The following TSPEAR variants were observed in gnomAD, a reference collection of about 807,000 sequenced individuals.
TSPEAR encodes thrombospondin-type laminin G domain and EAR repeat-containing protein.
A neutral mutation model predicts 71.6 loss-of-function variants in TSPEAR; 69 were observed. That is an observed-to-expected ratio of 0.96 (90% confidence interval 0.79 to 1.18). The LOEUF is 1.18. Among genes scored for constraint, TSPEAR ranks in the 50% most tolerant of loss-of-function variants. The pLI is 0.00. For synonymous variants in TSPEAR, 402 were observed against 387.2 expected, an observed-to-expected ratio of 1.04 and a Z score of -0.45; for missense variants, 971 against 894.9, an observed-to-expected ratio of 1.09 and a Z score of -1.09.
intron 2 of TSPEAR, among the ~76,000 whole-genome samples, chr21:44,559,325 T>G (rs1048412667): frequency 6.6e-6 from 1 of 152,180 alleles, no homozygotes; most frequent in Admixed American, 6.5e-5. Context: ...GGGTGAGCCC[T>G]GGGGCAGGTG....
intron 1 of TSPEAR, chr21:44,675,978 C>A (rs1986295564): frequency 1.2e-5 from 10 of 826,160 alleles, no homozygotes; most frequent in Middle Eastern, 4.6e-4. Flanking sequence ...TTCAGCCAGT[C>A]TTGTGCCACT....
rs149922191 is a variant in TSPEAR, at chr21:44,509,285, A to G, written c.1668T>C (p.Asn556=). 180 of 1,614,116 alleles carry G rather than the reference A, an allele frequency of 1.1e-4. No individual in the cohort carries two copies. Among genetic ancestry groups the G allele is most frequent in the Non-Finnish European group, 1.5e-4 (174 of 1,180,018 alleles). The change falls in exon 10 of 12, where the codon AAT becomes AAC. Residue 556 remains asparagine (N), a synonymous_variant. Coordinates refer to ENST00000323084, the MANE Select transcript of TSPEAR (RefSeq NM_144991.3). The stretch of plus-strand genomic sequence containing the variant: ...TGACGGAGTTGATGACATAGGAATC[A>G]TTCTGGACTTGCATCTCCACATCGT... ...HSYDVEMQVQ[N]DSYVINSVIY...
At chr21:44,636,831 C>A (rs1356320118) in intron 1 of TSPEAR, among the ~76,000 whole-genome samples, 3 of 152,222 alleles carry the variant, frequency 2.0e-5, no homozygotes, top group African/African-American at 7.2e-5. Context: ...AGAGGCCTTG[C>A]CAGAACATTC....
At chr21:44,680,323 A>T (rs137994547) in intron 1 of TSPEAR, among the ~76,000 whole-genome samples, 117 of 152,340 alleles carry the variant, frequency 7.7e-4, no homozygotes, top group African/African-American at 2.7e-3. Flanking sequence ...GGAACTTCAG[A>T]TCAAAACTAC....
chr21:44,555,724 C>T (rs2053517226), intron 2 of TSPEAR, among the ~76,000 whole-genome samples: 1 of 152,118 alleles, frequency 6.6e-6, no homozygotes, highest in African/African-American at 2.4e-5. Flanking sequence ...TCATGGGGCT[C>T]AGGGCAAGGC....
chr21:44,509,120 G>A, intron 10 of TSPEAR, 79 bp downstream of exon 10: 2 of 1,492,500 alleles, frequency 1.3e-6, no homozygotes, highest in South Asian at 2.5e-5. Flanking sequence ...GGGTGGTGAG[G>A]ATGAGCCTAA....
intron 1 of TSPEAR, chr21:44,637,516 C>A: frequency 6.2e-7 from 1 of 1,613,472 alleles, no homozygotes; most frequent in Non-Finnish European, 8.5e-7. Flanking sequence ...GCTGCTGTGC[C>A]CCAGCCCCCA....
In TSPEAR at chr21:44,508,592, A is replaced by G. The variant is rs2052263885; in HGVS notation, c.1754+607T>C. 3 of 1,176,882 alleles carry G rather than the reference A, an allele frequency of 2.5e-6. No homozygotes were observed. The Admixed American group carries it at 1.1e-4, about 43-fold the overall frequency. The allele number at this position is 1,176,882 out of a possible 1,614,324, so 72.9% of individuals were successfully genotyped here. A position where few individuals can be genotyped will look rare whatever the true frequency, so the allele number is the denominator to read the frequency against. On this transcript the variant is annotated intron_variant, in intron 10 of 11. Coordinates refer to ENST00000323084, the MANE Select transcript of TSPEAR (RefSeq NM_144991.3). ...CTGGTCAGGATGGTTGTGGATTCTC[A>G]GTGCCCACTGTCCAAAATGTGGTGC...
rs149442888 is a variant in TSPEAR, at chr21:44,646,637, C to T, written c.82+64796G>A. ...TGTGTGTCCAGCCCCTGCTGCCAGG[C>T]GGCCTGTGAGCCCAGCGCCTGCCAA... On this transcript the variant is annotated intron_variant, in intron 1 of 11. Coordinates refer to ENST00000323084, the MANE Select transcript of TSPEAR (RefSeq NM_144991.3). 1.8e-3 allele frequency: 2,982 copies of T among 1,613,306 alleles called. 44 individuals are homozygous for T. In the African/African-American group the frequency reaches 0.036, roughly 19 times the overall value.
At chr21:44,627,607 T>G in intron 1 of TSPEAR, 3 of 1,613,232 alleles carry the variant, frequency 1.9e-6, no homozygotes, top group Non-Finnish European at 2.5e-6. Context: ...GCCCGTCTGC[T>G]GCAAACCTGT....
At chr21:44,637,143 A>G (rs771837508) in intron 1 of TSPEAR, among the ~76,000 whole-genome samples, 20 of 152,262 alleles carry the variant, frequency 1.3e-4, no homozygotes, top group East Asian at 5.8e-4. Flanking sequence ...TGTTCCCGGG[A>G]GACAGGCTCA....
chr21:44,700,915 G>A (rs1987617839), intron 1 of TSPEAR, among the ~76,000 whole-genome samples: 1 of 152,132 alleles, frequency 6.6e-6, no homozygotes, highest in Non-Finnish European at 1.5e-5. Context: ...CAGCCCATAG[G>A]GTGATATTCC....
At chr21:44,540,328 G>A in intron 2 of TSPEAR, 1 of 1,038,182 alleles carries the variant, frequency 9.6e-7, no homozygotes, top group Non-Finnish European at 1.4e-6. Flanking sequence ...GTTGCTGAGA[G>A]GTGGCGTGTG....
intron 5 of TSPEAR, 119 bp downstream of exon 5, chr21:44,529,679 T>G: frequency 8.6e-7 from 1 of 1,164,004 alleles, no homozygotes; most frequent in Non-Finnish European, 1.2e-6. Flanking sequence ...CCCGTAGCAG[T>G]GATGAGGGGG....
chr21:44,529,657 T>G, intron 5 of TSPEAR, 141 bp downstream of exon 5: 1 of 946,100 alleles, frequency 1.1e-6, no homozygotes, highest in South Asian at 1.6e-5. Context: ...CTGGCCAATA[T>G]GACCGCTGCC....
At chr21:44,534,322 G>C in intron 2 of TSPEAR, among the ~76,000 whole-genome samples, 1 of 68,788 alleles carries the variant, frequency 1.5e-5, no homozygotes, top group Non-Finnish European at 2.9e-5. Flanking sequence ...GGCAGGGCTG[G>C]TGTGTGAGGG....
intron 2 of TSPEAR, among the ~76,000 whole-genome samples, chr21:44,545,549 C>T (rs1555917678): frequency 2.0e-5 from 3 of 151,974 alleles, no homozygotes; most frequent in Admixed American, 6.6e-5. Context: ...AATGATCAAA[C>T]TCATAGAAAC....
intron 1 of TSPEAR, among the ~76,000 whole-genome samples, chr21:44,605,605 T>A (rs2146161768): frequency 6.6e-6 from 1 of 152,262 alleles, no homozygotes; most frequent in South Asian, 2.1e-4. Flanking sequence ...AAAATAAACA[T>A]ATCAACCAAT....
At chr21:44,501,516 G>A (rs1439229215) in intron 11 of TSPEAR, among the ~76,000 whole-genome samples, 1 of 152,208 alleles carries the variant, frequency 6.6e-6, no homozygotes, top group Non-Finnish European at 1.5e-5. Context: ...AGAATGGCGT[G>A]AACCCAGGAG....
Sources: gnomAD v4.1 joint callset for allele counts (sites outside exome capture counted in the v4.1 genomes callset) on GRCh38, gnomAD v4.1.1 for gene constraint, MANE v1.5 for transcripts, NCBI Gene and HGNC (gene_info 2026-07-23, HGNC 2026-07-21) for gene names.